RBM47: variants seen among roughly 807,000 people sequenced by gnomAD.
The protein encoded by RBM47 is RNA-binding protein 47.
Under a neutral mutation model 47.1 loss-of-function variants are expected in RBM47, and 21 were observed. The observed-to-expected ratio is 0.45, with a 90% CI of 0.32 to 0.64. The LOEUF is 0.64. RBM47 is among the 30% of genes least tolerant of loss of function. RBM47 has a pLI of 0.05. For synonymous variants in RBM47, 375 were observed against 361.7 expected (o/e 1.04, Z -0.42); for missense variants, 708 against 870.9 (o/e 0.81, Z 2.35).
At chr4:40,603,988 A>G (rs79620570) in intron 1 of RBM47, among the ~76,000 whole-genome samples, 1,967 of 152,156 alleles carry the variant, frequency 0.013, 41 homozygotes, top group African/African-American at 0.045. Context: ...CACACAACCA[A>G]CCACACCCAG....
chr4:40,619,572 G>A (rs1056243879), intron 1 of RBM47, among the ~76,000 whole-genome samples: 2 of 152,094 alleles, frequency 1.3e-5, no homozygotes, highest in African/African-American at 4.8e-5. Flanking sequence ...ACTTTGCACT[G>A]TTGCAAGGTC....
intron 1 of RBM47, among the ~76,000 whole-genome samples, chr4:40,548,469 C>T (rs1365961224): frequency 6.6e-6 from 1 of 152,158 alleles, no homozygotes. Flanking sequence ...AGAAGGATCA[C>T]TCTGACCACA....
intron 2 of RBM47, among the ~76,000 whole-genome samples, chr4:40,504,305 T>C (rs1723797391): frequency 6.6e-6 from 1 of 150,986 alleles, no homozygotes; most frequent in Non-Finnish European, 1.5e-5. Flanking sequence ...TTTTTTTTTT[T>C]TTTGAGATGG....
chr4:40,476,844 A>T (rs529464133), intron 2 of RBM47, among the ~76,000 whole-genome samples: 2 of 152,320 alleles, frequency 1.3e-5, no homozygotes, highest in East Asian at 3.9e-4. Flanking sequence ...ATTTCAAAAA[A>T]ATGTGGTCCC....
At chr4:40,615,738 G>T (rs897726964) in intron 1 of RBM47, among the ~76,000 whole-genome samples, 1 of 151,596 alleles carries the variant, frequency 6.6e-6, no homozygotes, top group East Asian at 2.0e-4. Flanking sequence ...CCAAGATCAC[G>T]CCACTGCACT....
chr4:40,463,164 T>C (rs1001823719), intron 3 of RBM47, among the ~76,000 whole-genome samples: 2 of 152,160 alleles, frequency 1.3e-5, no homozygotes, highest in African/African-American at 4.8e-5. Context: ...AAGGAAGATA[T>C]ACATTATACA....
chr4:40,621,644 T>G (rs1737274325), intron 1 of RBM47, among the ~76,000 whole-genome samples: 1 of 152,224 alleles, frequency 6.6e-6, no homozygotes, highest in Admixed American at 6.5e-5. Context: ...AATCATTAAT[T>G]ATAATTAAAT....
intron 1 of RBM47, among the ~76,000 whole-genome samples, chr4:40,625,376 C>T (rs1287426228): frequency 6.6e-6 from 1 of 152,096 alleles, no homozygotes; most frequent in Non-Finnish European, 1.5e-5. Context: ...CATGATTGAG[C>T]CAGGTCTCAG....
At chr4:40,480,158 A>G (rs1316784727) in intron 2 of RBM47, among the ~76,000 whole-genome samples, 1 of 151,790 alleles carries the variant, frequency 6.6e-6, no homozygotes, top group East Asian at 1.9e-4. Context: ...TTGTATTTTC[A>G]GTAGAAACAG....
At chr4:40,616,432 T>G (rs1315507938) in intron 1 of RBM47, among the ~76,000 whole-genome samples, 2 of 152,154 alleles carry the variant, frequency 1.3e-5, no homozygotes, top group Admixed American at 6.5e-5. Flanking sequence ...CCTATGAGTT[T>G]GCAAGTATAT....
At chr4:40,617,814 T>C (rs1736888982) in intron 1 of RBM47, among the ~76,000 whole-genome samples, 1 of 151,894 alleles carries the variant, frequency 6.6e-6, no homozygotes, top group African/African-American at 2.4e-5. Flanking sequence ...CTTTCCCCAT[T>C]ACAGTTTCCT....
At chr4:40,551,618 G>A (rs949138296) in intron 1 of RBM47, among the ~76,000 whole-genome samples, 5 of 151,398 alleles carry the variant, frequency 3.3e-5, no homozygotes, top group African/African-American at 9.7e-5. Flanking sequence ...CAAGGAAGAG[G>A]GAGGGAGGGA....
chr4:40,528,151 G>A (rs10024800), intron 2 of RBM47, among the ~76,000 whole-genome samples: 10,627 of 152,150 alleles, frequency 0.07, 1,069 homozygotes, highest in African/African-American at 0.22. Flanking sequence ...GGTGGCTCAT[G>A]CCTGTAATCC....
intron 2 of RBM47, among the ~76,000 whole-genome samples, chr4:40,541,744 AAAAAAG>A (rs1728566936): frequency 6.6e-6 from 1 of 152,198 alleles, no homozygotes; most frequent in Non-Finnish European, 1.5e-5. Context: ...GTCTCAAAAA[AAAAAAG>A]AAAAAGAAAA....
intron 1 of RBM47, among the ~76,000 whole-genome samples, chr4:40,580,572 A>G (rs1015546652): frequency 3.9e-5 from 6 of 152,138 alleles, no homozygotes; most frequent in Admixed American, 1.3e-4. Flanking sequence ...ATCATTCCCC[A>G]ACCCACCAAC....
chr4:40,510,187 CAAA>C (rs1192114584), intron 2 of RBM47, among the ~76,000 whole-genome samples: 4 of 104,242 alleles, frequency 3.8e-5, no homozygotes, highest in Admixed American at 1.2e-4. Flanking sequence ...AACTCCATCT[CAAA>C]AAAAAAAAAA....
chr4:40,545,788 G>C (rs772399141), intron 1 of RBM47, among the ~76,000 whole-genome samples: 1 of 152,040 alleles, frequency 6.6e-6, no homozygotes, highest in Non-Finnish European at 1.5e-5. Flanking sequence ...CCAGGTGCTC[G>C]AAACTCCACT....
chr4:40,628,524 CTTCA>C lies in RBM47; in HGVS notation c.-240+868_-240+871del, dbSNP rs1468228364. Among the ~76,000 whole-genome samples, 1 of 152,172 alleles carries C rather than the reference CTTCA, an allele frequency of 6.6e-6. No homozygotes were observed. The highest frequency in any genetic ancestry group is 2.4e-5 in the African/African-American group (1 of 41,442). ...TTTGAGCTCAAAACTTCGGCAACTCCTTCATGTTGGGTTGTCAACCCTTTGCTTT... is the reference window on the plus strand; with the variant it reads ...TTTGAGCTCAAAACTTCGGCAACTCCTGTTGGGTTGTCAACCCTTTGCTTT... On this transcript the variant is annotated intron_variant, in intron 1 of 6. Transcript: ENST00000295971. This position sits in a 1 kb window ranked among gnomAD's most constrained non-coding sequence, Gnocchi z 4.0.
rs140190520 is a variant in RBM47, at chr4:40,449,768, G to A, written c.-31-10844C>T. On this transcript the variant is annotated intron_variant, in intron 3 of 6. Coordinates refer to ENST00000295971, the MANE Select transcript of RBM47 (RefSeq NM_001098634.2). Reference sequence around the variant, plus strand: ...ATCTCAGCTCACTGAAGCCTCCACCGCCCGGGTTCAAGTGATTCTCCTGCC... The same window carrying A: ...ATCTCAGCTCACTGAAGCCTCCACCACCCGGGTTCAAGTGATTCTCCTGCC... Among the ~76,000 whole-genome samples, 835 of 152,140 alleles carry A rather than the reference G, an allele frequency of 5.5e-3. 12 individuals are homozygous for A. The highest frequency in any genetic ancestry group is 0.019 in the African/African-American group (784 of 41,498).
Sources: allele counts gnomAD v4.1 joint callset (sites outside exome capture counted in the v4.1 genomes callset), GRCh38; gene constraint gnomAD v4.1.1; non-coding constraint Gnocchi (gnomAD v3.1); transcripts MANE v1.5; gene names NCBI Gene and HGNC (gene_info 2026-07-23, HGNC 2026-07-21).